The following COL11A1 variants were observed in gnomAD, a reference collection of about 807,000 sequenced individuals.
COL11A1 encodes collagen type XI alpha 1 chain, also known as collagen alpha-1(XI) chain.
Under a neutral mutation model 265.2 loss-of-function variants are expected in COL11A1, and 74 were observed. The ratio of observed to expected loss-of-function variants is 0.28; its 90% CI spans 0.23 to 0.34. The LOEUF (loss-of-function observed/expected upper bound fraction) is 0.34, where lower values mean the gene tolerates loss of function less well. COL11A1 is among the 10% of genes least tolerant of loss of function. The pLI, the probability that COL11A1 is intolerant of heterozygous loss-of-function variation, is 1.00. For missense variants in COL11A1, 2,165 were observed against 2,263.6 expected, an observed-to-expected ratio of 0.96 and a Z score of 0.88; for synonymous variants, 816 against 727.6, an observed-to-expected ratio of 1.12 and a Z score of -1.96.
At chr1:102,980,228 T>C (rs1338523461) in intron 31 of COL11A1, among the ~76,000 whole-genome samples, 1 of 152,008 alleles carries the variant, frequency 6.6e-6, no homozygotes, top group Non-Finnish European at 1.5e-5. Context: ...AAAATAATAA[T>C]AATGTATAAT....
intron 4 of COL11A1, among the ~76,000 whole-genome samples, chr1:103,046,014 A>G (rs945001594): frequency 6.6e-6 from 1 of 151,178 alleles, no homozygotes; most frequent in Non-Finnish European, 1.5e-5. Context: ...AATCCAGTCT[A>G]TCGTTGTTGG....
rs909267746 is a variant in COL11A1 at position 102,942,390 on chromosome 1, G to T, written c.3277-1956C>A. Among the ~76,000 whole-genome samples, 6 of 152,246 alleles carry T rather than the reference G, an allele frequency of 3.9e-5. No homozygotes were observed. The East Asian group carries it at 1.2e-3, about 29-fold the overall frequency. On this transcript the variant is annotated intron_variant, in intron 42 of 66. Coordinates refer to ENST00000370096, the MANE Select transcript of COL11A1 (RefSeq NM_001854.4). Reference sequence around the variant, plus strand: ...GACCCTGGTCTGTGTGATGTTGGGAGAAATTCAACAGATCTACAGCACTCT... The same window carrying T: ...GACCCTGGTCTGTGTGATGTTGGGATAAATTCAACAGATCTACAGCACTCT...
At position 103,061,142 on chromosome 1, in the gene COL11A1, G is replaced by A. The variant is rs191857564; in HGVS notation, c.651+13476C>T. On this transcript the variant is annotated intron_variant, in intron 4 of 66. Transcript: ENST00000370096. ...CACACAGTGCAAACTTTGGAGCAGG[G>A]AAAATTATTAGAGATAAAGTGAGGC... Among the ~76,000 whole-genome samples, 600 of 152,186 alleles carry A rather than the reference G, an allele frequency of 3.9e-3. 5 individuals carry two copies. The highest frequency in any genetic ancestry group is 0.014 in the African/African-American group (568 of 41,542).
At chr1:103,083,152 T>A (rs754273752) in intron 1 of COL11A1, among the ~76,000 whole-genome samples, 180 bp from the exon 2 acceptor site, 1 of 151,898 alleles carries the variant, frequency 6.6e-6, no homozygotes, top group Non-Finnish European at 1.5e-5. Flanking sequence ...ATATAAACCA[T>A]AACAACATTC....
chr1:102,950,539 G>T (rs1003521005), intron 41 of COL11A1, among the ~76,000 whole-genome samples: 3 of 151,718 alleles, frequency 2.0e-5, no homozygotes, highest in African/African-American at 4.8e-5. Context: ...CACATTCTTA[G>T]AATTTTTTTT....
intron 42 of COL11A1, among the ~76,000 whole-genome samples, chr1:102,942,624 T>C (rs576585074): frequency 1.5e-4 from 23 of 152,278 alleles, no homozygotes; most frequent in Admixed American, 9.2e-4. Flanking sequence ...CCCATGTCTT[T>C]TGTTTGATTT....
At position 102,886,895 on chromosome 1, in the gene COL11A1, A is replaced by G. The variant is rs2229783; in HGVS notation, c.4770T>C (p.Ile1590=). 950,637 of 1,613,456 alleles carry G rather than the reference A, an allele frequency of 0.59. 289,481 individuals carry two copies. Among genetic ancestry groups the G allele is most frequent in the Admixed American group, 0.71 (42,361 of 59,938 alleles). The change falls in exon 63 of 67, where the codon ATT becomes ATC. Residue 1590 remains isoleucine (I), a synonymous_variant. Coordinates refer to ENST00000370096, the MANE Select transcript of COL11A1 (RefSeq NM_001854.4). ...FGSLNSLKQD[I]EHMKFPMGTQ... ...TACCCATTGGAAATTTCATATGCTCAATGTCTTGTTTCAGGGAATTGAGGG... is the reference window on the plus strand; with the variant it reads ...TACCCATTGGAAATTTCATATGCTCGATGTCTTGTTTCAGGGAATTGAGGG...
At chr1:103,083,054 T>C in intron 1 of COL11A1, 82 bp from the exon 2 acceptor site, 1 of 1,320,394 alleles carries the variant, frequency 7.6e-7, no homozygotes, top group Non-Finnish European at 1.1e-6. Context: ...CAGGATAGTA[T>C]GTCATTTCAT....
At chr1:102,900,171 ACTAT>A (rs1445559696) in intron 54 of COL11A1, among the ~76,000 whole-genome samples, 5 of 152,136 alleles carry the variant, frequency 3.3e-5, no homozygotes, top group Admixed American at 2.6e-4. Context: ...CATTCCTATA[ACTAT>A]CTATTATTAG....
intron 5 of COL11A1, among the ~76,000 whole-genome samples, chr1:103,029,760 GCAAGTT>G (rs1480318505): frequency 6.6e-6 from 1 of 151,814 alleles, no homozygotes; most frequent in East Asian, 1.9e-4. Context: ...ATAGTAAATG[GCAAGTT>G]CATTTTTAAA....
rs1048179567 is a variant in COL11A1 at position 103,031,027 on chromosome 1, A to G, written c.780+89T>C. The G allele has an allele frequency of 3.5e-6, 5 of 1,423,362 alleles. No individual in the cohort carries two copies. In the African/African-American group the frequency reaches 5.6e-5, roughly 16 times the overall value. 88.2% of individuals were successfully genotyped at this position (1,423,362 alleles called of 1,614,324 possible). A position where few individuals can be genotyped will look rare whatever the true frequency, so the allele number is the denominator to read the frequency against. On this transcript the variant is annotated intron_variant, in intron 5 of 66. Coordinates refer to ENST00000370096, the MANE Select transcript of COL11A1 (RefSeq NM_001854.4). ...AAATACAAAGCATAGCTTAATTAAA[A>G]TGGAATAAATAAGTATAAGTTCAAA...
At chr1:102,944,168 G>A (rs1659023028) in intron 42 of COL11A1, among the ~76,000 whole-genome samples, 2 of 152,088 alleles carry the variant, frequency 1.3e-5, no homozygotes, top group Non-Finnish European at 2.9e-5. Context: ...GCTGATAACT[G>A]CATAACATTT....
intron 42 of COL11A1, among the ~76,000 whole-genome samples, chr1:102,945,247 A>ACTCTCT (rs3056651): frequency 0.058 from 7,474 of 129,036 alleles, 315 homozygotes; most frequent in Non-Finnish European, 0.081. Flanking sequence ...TTTTCTTTTT[A>ACTCTCT]CTCTCTCTCT....
rs1676486 is a variant in COL11A1, at chr1:102,888,582, A to G, written c.4603T>C (p.Ser1535Pro). 0.8 allele frequency: 1,292,628 copies of G among 1,612,246 alleles called. 519,995 individuals are homozygous for G. Among genetic ancestry groups the G allele is most frequent in the Admixed American group, 0.87 (52,265 of 59,932 alleles). ...GDSGLPGPPG[S>P]PGPPGEVIQP... is the part of the protein sequence containing the mutation. The stretch of plus-strand genomic sequence containing the variant: ...TCTTGTTAACATATACTTACTGGAG[A>G]CCCAGGAGGCCCTGGAAGACCACTG... The change falls in exon 62 of 67, where the codon TCT becomes CCT. Residue 1535 changes from serine to proline, a missense_variant. Physicochemically the swap from Ser to Pro is moderately conservative, Grantham distance 74. Coordinates refer to ENST00000370096, the MANE Select transcript of COL11A1 (RefSeq NM_001854.4).
chr1:103,071,864 T>A (rs1207315354), intron 4 of COL11A1, among the ~76,000 whole-genome samples: 1 of 35,836 alleles, frequency 2.8e-5, no homozygotes, highest in Non-Finnish European at 5.7e-5. Context: ...ATTACATATG[T>A]GTTTGTATAT....
At chr1:103,036,546 G>T (rs912722192) in intron 4 of COL11A1, among the ~76,000 whole-genome samples, 6 of 151,140 alleles carry the variant, frequency 4.0e-5, no homozygotes, top group Admixed American at 2.6e-4. Flanking sequence ...CTTATTTCAG[G>T]TGTTTAATAG....
chr1:102,910,658 C>G (rs1483356994), intron 54 of COL11A1, among the ~76,000 whole-genome samples: 3 of 151,968 alleles, frequency 2.0e-5, no homozygotes, highest in Non-Finnish European at 1.5e-5. Context: ...AACACAGCAA[C>G]AGTTATGAGG....
intron 4 of COL11A1, among the ~76,000 whole-genome samples, chr1:103,073,073 CTTATT>C (rs1281409855): frequency 6.6e-6 from 1 of 151,732 alleles, no homozygotes; most frequent in East Asian, 1.9e-4. Context: ...GCTTAATAAA[CTTATT>C]TTTCACTACT....
chr1:103,102,526 G>C (rs560666951), intron 1 of COL11A1, among the ~76,000 whole-genome samples: 1 of 152,162 alleles, frequency 6.6e-6, no homozygotes, highest in African/African-American at 2.4e-5. Context: ...GGAAGTGAAG[G>C]AGTAAAAGCA....
Sources: gnomAD v4.1 joint callset for allele counts (sites outside exome capture counted in the v4.1 genomes callset) on GRCh38, gnomAD v4.1.1 for gene constraint, MANE v1.5 for transcripts, NCBI Gene and HGNC (gene_info 2026-07-23, HGNC 2026-07-21) for gene names.